The following ACTN3 variants were observed in gnomAD, a reference collection of about 807,000 sequenced individuals.
The protein encoded by ACTN3 is alpha-actinin-3.
A neutral mutation model predicts 119.6 loss-of-function variants in ACTN3; 91 were observed. The ratio of observed to expected loss-of-function variants is 0.76; its 90% CI spans 0.64 to 0.91. The LOEUF (loss-of-function observed/expected upper bound fraction) is 0.91. Among genes scored for constraint, ACTN3 ranks in the 40% least tolerant of loss-of-function variants. The pLI, the probability that ACTN3 is intolerant of heterozygous loss-of-function variation, is 0.00. For synonymous variants in ACTN3, 456 were observed against 478.8 expected, an observed-to-expected ratio of 0.95 and a Z score of 0.62; for missense variants, 1,221 against 1,215.1, an observed-to-expected ratio of 1.00 and a Z score of -0.07.
In ACTN3 at chr11:66,556,983, G is replaced by A. The variant is rs750054821; in HGVS notation, c.805-150G>A. ...TCACCGTGTTAGCTAGGATGGTTTC[G>A]ATCTCCTGACCTCGTGATCCGCCCG... is the stretch of plus-strand genomic sequence containing the variant. On this transcript the variant is annotated intron_variant, in intron 8 of 20. Transcript: ENST00000513398. 11 of 600,056 alleles carry A rather than the reference G, an allele frequency of 1.8e-5. No homozygotes were observed. In the East Asian group the frequency reaches 3.0e-4, roughly 17 times the overall value. 37.2% of individuals were successfully genotyped at this position (600,056 alleles called of 1,614,324 possible).
intron 11 of ACTN3, 23 bp from the exon 12 acceptor site, chr11:66,559,213 G>C (rs769252663): frequency 5.5e-6 from 8 of 1,467,388 alleles, no homozygotes; most frequent in Non-Finnish European, 7.2e-6. Flanking sequence ...CTGGGTGACC[G>C]GAGCCGGCAT....
In ACTN3 at chr11:66,562,995, G is replaced by A. The variant is rs1406910716; in HGVS notation, c.2548-40G>A. The A allele has an allele frequency of 2.5e-6, 4 of 1,608,278 alleles. No homozygotes were observed. In the African/African-American group the frequency reaches 5.3e-5, roughly 21 times the overall value. The stretch of plus-strand genomic sequence containing the variant: ...TGGAGGGGCTGGTGGGCTAGGGCAG[G>A]GCACGGGACCTGTGGGTCCTCAACG... On this transcript the variant is annotated intron_variant, in intron 20 of 20. Coordinates refer to ENST00000513398, the MANE Select transcript of ACTN3 (RefSeq NM_001104.4).
chr11:66,562,059 T>C lies in ACTN3; in HGVS notation c.2213T>C (p.Ile738Thr). 1 of 1,613,348 alleles carries C rather than the reference T, an allele frequency of 6.2e-7. No individual in the cohort carries two copies. Among genetic ancestry groups the C allele is most frequent in the East Asian group, 2.2e-5 (1 of 44,814 alleles). ...GGCTGGGAGCAGCTGCTCACCTCCA[T>C]TGCCCGCACCATCAATGAAGTGGAG... ...RVGWEQLLTS[I>T]ARTINEVENQ... is the part of the protein sequence containing the mutation. The change falls in exon 18 of 21, where the codon ATT (isoleucine) becomes ACT (threonine). Residue 738 changes from isoleucine (I) to threonine (T), a missense_variant. By Grantham distance (89) the Ile-to-Thr change is moderately conservative. Transcript: ENST00000513398.
intron 5 of ACTN3, 92 bp downstream of exon 5, chr11:66,554,715 G>T: frequency 9.3e-7 from 1 of 1,076,258 alleles, no homozygotes; most frequent in Middle Eastern, 2.2e-4. Flanking sequence ...GCACTGAGCT[G>T]GTCTCTGTCA....
chr11:66,554,997 C>A (rs919317975), intron 5 of ACTN3, 133 bp from the exon 6 acceptor site: 4 of 788,018 alleles, frequency 5.1e-6, no homozygotes, highest in South Asian at 3.2e-5. Flanking sequence ...GGGCCTCAAA[C>A]GCCAAGCTAA....
chr11:66,550,007 G>A (rs553312870), intron 1 of ACTN3, among the ~76,000 whole-genome samples: 93 of 152,248 alleles, frequency 6.1e-4, no homozygotes, highest in African/African-American at 2.2e-3. Flanking sequence ...CAGGGCATCT[G>A]GCAAGCTGGT....
Position 66,554,086 on chromosome 11 carries a change from T to G in ACTN3, c.424T>G (p.Trp142Gly), listed in dbSNP as rs770027850. ...GNLKMTLGMI[W>G]TIILRFAIQD... ...CCTGAAGATGACCCTGGGCATGATC[T>G]GGACCATCATCCTTCGCTTCGCCAT... Residue 142 changes from tryptophan to glycine, a missense_variant, in exon 4 of 21, where the codon TGG becomes GGG. Around this residue, in one of 3 missense-constraint regions of ACTN3, gnomAD observed 239 missense variants for 231.8 expected, o/e 1.03. Coordinates refer to ENST00000513398, the MANE Select transcript of ACTN3 (RefSeq NM_001104.4). 3.1e-6 allele frequency: 5 copies of G among 1,613,932 alleles called. No individual in the cohort carries two copies. The East Asian group carries it at 1.1e-4, about 36-fold the overall frequency.
At chr11:66,546,473 G>A (rs1365344291), upstream of ACTN3, 5 of 1,489,052 alleles carry the variant, frequency 3.4e-6, no homozygotes, top group Admixed American at 8.4e-5. Flanking sequence ...CAGAAAACAT[G>A]CAAAACAGCT....
intron 4 of ACTN3, 117 bp downstream of exon 4, chr11:66,554,248 A>G: frequency 1.7e-6 from 1 of 605,724 alleles, no homozygotes; most frequent in South Asian, 2.3e-5. Context: ...GTTCAAGACC[A>G]GCCTGGACAA....
rs1257812575 is a variant in ACTN3, at chr11:66,560,093, G to A, written c.1536+17G>A. On this transcript the variant is annotated intron_variant, in intron 13 of 20. Coordinates refer to ENST00000513398, the MANE Select transcript of ACTN3 (RefSeq NM_001104.4). ...GCGCTAGAGGTGGGGCTGGGGGCCG[G>A]GGAGCTGGGGGGTGGGTAGGTGGGT... The A allele has an allele frequency of 6.5e-7, 1 of 1,550,196 alleles. No homozygotes were observed. The highest frequency in any genetic ancestry group is 1.9e-5 in the Admixed American group (1 of 51,344).
chr11:66,559,375 C>T lies in ACTN3; in HGVS notation c.1416C>T (p.Ala472=). The T allele has an allele frequency of 6.5e-7, 1 of 1,542,914 alleles. No homozygotes were observed. The highest frequency in any genetic ancestry group is 8.7e-7 in the Non-Finnish European group (1 of 1,151,628). Residue 472 remains alanine (A), a synonymous_variant, in exon 12 of 21, where the codon GCC becomes GCT. Coordinates refer to ENST00000513398, the MANE Select transcript of ACTN3 (RefSeq NM_001104.4). ...QDRVEHIAAL[A]QELNELDYHE... ...GCGTGGAGCACATTGCCGCGCTGGCCCAGGAGCTCAAGTAGGCGGGGCCTC... is the reference window on the plus strand; with the variant it reads ...GCGTGGAGCACATTGCCGCGCTGGCTCAGGAGCTCAAGTAGGCGGGGCCTC...
chr11:66,560,444 AC>A, intron 14 of ACTN3, 128 bp from the exon 15 acceptor site: 1 of 1,471,680 alleles, frequency 6.8e-7, no homozygotes, highest in Non-Finnish European at 9.1e-7. Flanking sequence ...GGGCTGGAAG[AC>A]AGGAGGCCGG....
intron 1 of ACTN3, among the ~76,000 whole-genome samples, chr11:66,547,322 T>A (rs1857373090): frequency 6.6e-6 from 1 of 152,148 alleles, no homozygotes; most frequent in Admixed American, 6.5e-5. Context: ...CCACCAGGGT[T>A]CATTCCCCTG....
chr11:66,556,103 C>T lies in ACTN3; in HGVS notation c.719-42C>T, dbSNP rs376183971. 4.5e-6 allele frequency: 7 copies of T among 1,562,472 alleles called. No homozygotes were observed. In the East Asian group the frequency reaches 1.6e-4, roughly 37 times the overall value. On this transcript the variant is annotated intron_variant, in intron 7 of 20. Coordinates refer to ENST00000513398, the MANE Select transcript of ACTN3 (RefSeq NM_001104.4). ...AGAGAGTTCTCTGCCTGGGGAGGGACCCCTGGCTTTGGCCAGTAGACACCG... is the reference window on the plus strand; with the variant it reads ...AGAGAGTTCTCTGCCTGGGGAGGGATCCCTGGCTTTGGCCAGTAGACACCG...
chr11:66,556,907 C>A (rs919822411), intron 8 of ACTN3, among the ~76,000 whole-genome samples: 13 of 152,260 alleles, frequency 8.5e-5, no homozygotes, highest in African/African-American at 3.1e-4. Context: ...ACTACAGGCG[C>A]CCACCACCAC....
chr11:66,561,341 T>A lies in ACTN3; in HGVS notation c.1975T>A (p.Trp659Arg). The change falls in exon 16 of 21, where the codon TGG (tryptophan) becomes AGG (arginine). Residue 659 changes from tryptophan to arginine, a missense_variant. Transcript: ENST00000513398. Reference protein sequence around the residue: ...FAAQANAIGPWIQAKVEEVGR... With the variant: ...FAAQANAIGPRIQAKVEEVGR... ...GGCCCAGGCCAATGCCATTGGACCC[T>A]GGATCCAGGCGAAGGTGGAGGTAAG... The A allele has an allele frequency of 6.2e-7, 1 of 1,611,602 alleles. No homozygotes were observed. Among genetic ancestry groups the A allele is most frequent in the Non-Finnish European group, 8.5e-7 (1 of 1,178,912 alleles).
rs1271599192 is a variant in ACTN3 at position 66,562,057 on chromosome 11, C to T, written c.2211C>T (p.Ser737=). Residue 737 remains serine (S), a synonymous_variant, in exon 18 of 21, where the codon TCC becomes TCT. Transcript: ENST00000513398. The stretch of plus-strand genomic sequence containing the variant: ...TGGGCTGGGAGCAGCTGCTCACCTC[C>T]ATTGCCCGCACCATCAATGAAGTGG... ...IRVGWEQLLT[S]IARTINEVEN... is the part of the protein sequence containing the mutation. The T allele has an allele frequency of 1.2e-6, 2 of 1,613,282 alleles. No homozygotes were observed. Among genetic ancestry groups the T allele is most frequent in the Admixed American group, 3.3e-5 (2 of 59,906 alleles).
intron 1 of ACTN3, among the ~76,000 whole-genome samples, chr11:66,550,333 A>AAC (rs1857444627): frequency 6.6e-6 from 1 of 152,198 alleles, no homozygotes; most frequent in Admixed American, 6.5e-5. Context: ...GGTTGGCAGA[A>AAC]ACTTGTGTAC....
intron 1 of ACTN3, among the ~76,000 whole-genome samples, chr11:66,548,341 C>A (rs1003597415): frequency 2.0e-5 from 3 of 152,128 alleles, no homozygotes; most frequent in Admixed American, 6.5e-5. Context: ...GCCACCTGTT[C>A]TGCAACATCT....
Sources: gnomAD v4.1 joint callset for allele counts (sites outside exome capture counted in the v4.1 genomes callset) on GRCh38, gnomAD v4.1.1 for gene constraint, gnomAD v4.1.1 regional missense constraint, MANE v1.5 for transcripts, NCBI Gene and HGNC (gene_info 2026-07-23, HGNC 2026-07-21) for gene names.